EXPH5: variants seen among roughly 807,000 people sequenced by gnomAD.
EXPH5 encodes exophilin 5.
EXPH5 carries 42 observed loss-of-function variants against 41.1 expected under a neutral mutation model. The ratio of observed to expected loss-of-function variants is 1.02; its 90% CI spans 0.80 to 1.32. EXPH5 has a LOEUF of 1.32. EXPH5 is among the 40% of genes most tolerant of loss of function. The pLI, the probability that EXPH5 is intolerant of heterozygous loss-of-function variation, is 0.00. For missense variants in EXPH5, 2,298 were observed against 2,314.5 expected (o/e 0.99, Z 0.15); for synonymous variants, 798 against 833.5 (o/e 0.96, Z 0.73).
intron 2 of EXPH5, among the ~76,000 whole-genome samples, chr11:108,539,977 T>A (rs1591713388): frequency 3.9e-5 from 6 of 152,150 alleles, no homozygotes; most frequent in Admixed American, 3.9e-4. Context: ...TATGTATAGA[T>A]AATATATGGG....
At chr11:108,520,145 A>G (rs1196621677) in intron 4 of EXPH5, among the ~76,000 whole-genome samples, 1 of 152,146 alleles carries the variant, frequency 6.6e-6, no homozygotes, top group Non-Finnish European at 1.5e-5. Flanking sequence ...CTCCGCCTCC[A>G]GTCAGATCAG....
Position 108,512,720 on chromosome 11 carries a change from C to A in EXPH5, c.2787G>T (p.Lys929Asn). 1 of 1,613,884 alleles carries A rather than the reference C, an allele frequency of 6.2e-7. No individual in the cohort carries two copies. Among genetic ancestry groups the A allele is most frequent in the Non-Finnish European group, 8.5e-7 (1 of 1,179,958 alleles). The change falls in exon 6 of 6, where the codon AAG becomes AAT. Residue 929 changes from lysine to asparagine, a missense_variant. Lys to Asn is a moderately conservative substitution (Grantham distance 94). Transcript: ENST00000265843. ...TTACAATAAACTGATTCTTTTGGTT[C>A]TTCCCAGCATTGTCTTTTTCTTCTC... ...GEREEKDNAGKNQKNQFIVSH... is the reference protein window; with the variant it reads ...GEREEKDNAGNNQKNQFIVSH...
In EXPH5 at chr11:108,507,269, C is replaced by T. The variant is rs1157746619; in HGVS notation, c.*2268G>A. ...CATGGGAACCATGTAAAGTAACCCACGCATTTTGCGTCTATGTAAGGGAAT... is the reference window on the plus strand; with the variant it reads ...CATGGGAACCATGTAAAGTAACCCATGCATTTTGCGTCTATGTAAGGGAAT... On this transcript the variant is annotated 3_prime_UTR_variant, in exon 6 of 6. Coordinates refer to ENST00000265843, the MANE Select transcript of EXPH5 (RefSeq NM_015065.3). The T allele has an allele frequency of 6.6e-6, 1 of 152,148 alleles. No homozygotes were observed. Among genetic ancestry groups the T allele is most frequent in the Non-Finnish European group, 1.5e-5 (1 of 68,024 alleles). The allele number at this position is 152,148 out of a possible 1,614,324, so 9.4% of individuals were successfully genotyped here.
intron 1 of EXPH5, among the ~76,000 whole-genome samples, chr11:108,576,347 A>G (rs911957437): frequency 4.6e-5 from 7 of 152,204 alleles, no homozygotes; most frequent in African/African-American, 1.7e-4. Flanking sequence ...TTCCATTTAC[A>G]TGAAATATCC....
At chr11:108,549,728 T>C (rs1275321041) in intron 1 of EXPH5, among the ~76,000 whole-genome samples, 9 of 152,204 alleles carry the variant, frequency 5.9e-5, no homozygotes, top group Non-Finnish European at 1.5e-5. Flanking sequence ...CCAGGAGTAG[T>C]GTCAGGTTCT....
rs780274167 is a variant in EXPH5 at position 108,511,008 on chromosome 11, A to G, written c.4499T>C (p.Leu1500Pro). The G allele has an allele frequency of 6.2e-7, 1 of 1,614,192 alleles. No individual in the cohort carries two copies. The highest frequency in any genetic ancestry group is 8.5e-7 in the Non-Finnish European group (1 of 1,180,028). The change falls in exon 6 of 6, where the codon CTT becomes CCT. Residue 1500 changes from leucine (L) to proline (P), a missense_variant. Coordinates refer to ENST00000265843, the MANE Select transcript of EXPH5 (RefSeq NM_015065.3). ...AAAGACTTGACTCTCTGAGTGAGAA[A>G]GTGTTTTATTAGTCATTTTTTGGCA... ...TNCQKMTNKT[L>P]SHSESQVFAL...
chr11:108,553,635 G>A (rs762014903), intron 1 of EXPH5, among the ~76,000 whole-genome samples: 1 of 152,166 alleles, frequency 6.6e-6, no homozygotes, highest in Non-Finnish European at 1.5e-5. Context: ...AGCTCCTTGA[G>A]GACAGGTGCT....
chr11:108,543,284 T>C lies in EXPH5; in HGVS notation c.120-1472A>G, dbSNP rs560259685. On this transcript the variant is annotated intron_variant, in intron 1 of 5. Transcript: ENST00000265843. ...TTTAAGTTCTTAATTAAATCACTGG[T>C]TGTTGTGATTTATTAATACTTTTTT... is the stretch of plus-strand genomic sequence containing the variant. 7.9e-5 allele frequency among the ~76,000 whole-genome samples: 12 copies of C among 152,266 alleles called. No homozygotes were observed. In the East Asian group the frequency reaches 1.2e-3, roughly 15 times the overall value.
At chr11:108,604,258 T>C in the EXPH5 span, among the ~76,000 whole-genome samples, 3 of 144,266 alleles carry the variant, frequency 2.1e-5, no homozygotes, top group African/African-American at 7.7e-5. Context: ...TAGCTGGGCA[T>C]GGTGGTGTGT....
Position 108,514,627 on chromosome 11 carries a change from T to C in EXPH5, c.880A>G (p.Ile294Val), listed in dbSNP as rs369858880. 6.2e-7 allele frequency: 1 copy of C among 1,610,094 alleles called. No homozygotes were observed. The highest frequency in any genetic ancestry group is 1.3e-5 in the African/African-American group (1 of 74,766). Residue 294 changes from isoleucine to valine, a missense_variant, in exon 6 of 6, where the codon ATT (isoleucine) becomes GTT (valine). Ile to Val is a conservative substitution (Grantham distance 29). Transcript: ENST00000265843. ...TCCCTTGTCCTATACATATCATAAA[T>C]TGTGCTTGTCCTAGGAGAAAAGGTT... The part of the protein sequence containing the change: ...FKTFSPRTST[I>V]YDMYRTREPR...
upstream of EXPH5, among the ~76,000 whole-genome samples, chr11:108,594,946 C>G (rs962513836): frequency 1.3e-5 from 2 of 152,188 alleles, no homozygotes; most frequent in African/African-American, 4.8e-5. Context: ...AACCAGGAAC[C>G]AATTTTGTTC....
rs745803304 is a variant in EXPH5 at position 108,511,496 on chromosome 11, C to T, written c.4011G>A (p.Arg1337=). The T allele has an allele frequency of 3.1e-6, 5 of 1,590,268 alleles. No homozygotes were observed. The South Asian group carries it at 4.6e-5, about 15-fold the overall frequency. The change falls in exon 6 of 6, where the codon AGG becomes AGA. Residue 1337 remains arginine (R), a synonymous_variant. Transcript: ENST00000265843. ...CCTGTAATGTAGGAGCTAGGGGCCC[C>T]CTATTTGATAATCGGAAGGCAGTCA... ...ENMTAFRLSN[R]GPLAPTLQEM...
rs2093709286 is a variant in EXPH5, at chr11:108,514,486, T to C, written c.1021A>G (p.Ser341Gly). The C allele has an allele frequency of 1.2e-6, 2 of 1,612,992 alleles. No homozygotes were observed. Among genetic ancestry groups the C allele is most frequent in the South Asian group, 2.2e-5 (2 of 90,806 alleles). The change falls in exon 6 of 6, where the codon AGC becomes GGC. Residue 341 changes from serine (S) to glycine (G), a missense_variant. Physicochemically the swap from Ser to Gly is moderately conservative, Grantham distance 56. Transcript: ENST00000265843. ...LPATGHFTAR[S>G]LHFPATTQSK... ...TGAGTTGTGGCTGGAAAATGTAAGC[T>C]TCTTGCTGTGAAATGCCCTGTGGCT...
At chr11:108,591,517 A>G (rs1466889746) in intron 1 of EXPH5, among the ~76,000 whole-genome samples, 1 of 152,212 alleles carries the variant, frequency 6.6e-6, no homozygotes, top group Non-Finnish European at 1.5e-5. Flanking sequence ...CTTTCCTTAA[A>G]TGATTTTTGT....
At chr11:108,602,168 C>A in the EXPH5 span, among the ~76,000 whole-genome samples, 32 of 152,330 alleles carry the variant, frequency 2.1e-4, no homozygotes, top group African/African-American at 5.5e-4. Flanking sequence ...CCTTGAAACA[C>A]TACTGTATCC....
chr11:108,510,521 G>A lies in EXPH5; in HGVS notation c.4986C>T (p.Asn1662=), dbSNP rs201992262. Residue 1662 remains asparagine, a synonymous_variant, in exon 6 of 6, where the codon AAC becomes AAT. Transcript: ENST00000265843. ...TCTCGGATTTCTTCACATGCTTTCC[G>A]TTCTCACTCAACCTGCTTTCGCCAA... ...ESIGESRLSE[N]GKHVKKSENL... is the part of the protein sequence containing the mutation. The A allele has an allele frequency of 1.5e-5, 24 of 1,613,990 alleles. No homozygotes were observed. Among genetic ancestry groups the A allele is most frequent in the Admixed American group, 1.7e-5 (1 of 59,992 alleles).
chr11:108,522,469 G>T (rs1455362823), intron 4 of EXPH5, among the ~76,000 whole-genome samples: 3 of 152,132 alleles, frequency 2.0e-5, no homozygotes, highest in Admixed American at 1.3e-4. Context: ...AAGAGGTCAG[G>T]TCATTTGCGT....
Position 108,541,813 on chromosome 11 carries a change from C to T in EXPH5, c.120-1G>A. ...ATCCCTCTTTGTCTTCTGAAGTTTG[C>T]TGAAATAAAATAAAACATTAATGTG... On this transcript the variant is annotated splice_acceptor_variant, in intron 1 of 5. Transcript: ENST00000265843. LOFTEE classifies it high-confidence loss of function. 6.3e-7 allele frequency: 1 copy of T among 1,583,260 alleles called. No homozygotes were observed. Among genetic ancestry groups the T allele is most frequent in the Non-Finnish European group, 8.6e-7 (1 of 1,169,068 alleles).
Position 108,511,732 on chromosome 11 carries a change from TC to T in EXPH5, c.3774del (p.Lys1259AsnfsTer21). ...EVVSIYYTLP[R>X]KPSKKFCNLL... ...AGGTTACAGAATTTTTTGCTGGGTT[TC>T]CTCGGTAGAGTGTAATATATTGAGA... is the stretch of plus-strand genomic sequence containing the variant. On this transcript the variant is annotated frameshift_variant, in exon 6 of 6. Transcript: ENST00000265843. LOFTEE classifies it low-confidence loss of function (END_TRUNC). 6.2e-7 allele frequency: 1 copy of T among 1,609,236 alleles called. No individual in the cohort carries two copies. The highest frequency in any genetic ancestry group is 2.2e-5 in the East Asian group (1 of 44,872).
Sources: gnomAD v4.1 joint callset for allele counts (sites outside exome capture counted in the v4.1 genomes callset) on GRCh38, gnomAD v4.1.1 for gene constraint, MANE v1.5 for transcripts, NCBI Gene and HGNC (gene_info 2026-07-23, HGNC 2026-07-21) for gene names.